Variants in FBN1 observed in about 807,000 individuals in gnomAD.
FBN1 encodes fibrillin-1.
In FBN1, 29 loss-of-function variants were observed where a neutral mutation model predicts 365.1. That is an observed-to-expected ratio of 0.08 (90% confidence interval 0.06 to 0.11). The LOEUF is 0.11. FBN1 is among the 10% of genes least tolerant of loss of function. The pLI is 1.00. For missense variants in FBN1, 2,476 were observed against 3,703.2 expected, an observed-to-expected ratio of 0.67 and a Z score of 8.60; for synonymous variants, 1,210 against 1,270.5, an observed-to-expected ratio of 0.95 and a Z score of 1.01.
Position 48,644,717 on chromosome 15 carries a change from G to A in FBN1, c.53C>T (p.Ala18Val), listed in dbSNP as rs770295085. 2 of 1,613,878 alleles carry A rather than the reference G, an allele frequency of 1.2e-6. No homozygotes were observed. The highest frequency in any genetic ancestry group is 1.7e-6 in the Non-Finnish European group (2 of 1,180,028). The change falls in exon 2 of 66, where the codon GCG (alanine) becomes GTG (valine). Residue 18 changes from alanine (A) to valine (V), a missense_variant. Transcript: ENST00000316623. ...GTCCGCCCCATGGCTCGTGTAGGAC[G>A]CTAAAAGCACGGTAAATCCCAGGGC... is the stretch of plus-strand genomic sequence containing the variant. ...EIALGFTVLL[A>V]SYTSHGADAN...
chr15:48,516,368 A>G lies in FBN1; in HGVS notation c.1148-6T>C, dbSNP rs1293665253. 2 of 1,613,194 alleles carry G rather than the reference A, an allele frequency of 1.2e-6. No individual in the cohort carries two copies. The highest frequency in any genetic ancestry group is 4.5e-5 in the East Asian group (2 of 44,872). On this transcript the variant is annotated splice_region_variant and splice_polypyrimidine_tract_variant and intron_variant, in intron 10 of 65. Transcript: ENST00000316623. ...GCACAGCTTGTTGAAATCCTCTAGAAAAACACAACAAAACAAAACACAACA... is the reference window on the plus strand; with the variant it reads ...GCACAGCTTGTTGAAATCCTCTAGAGAAACACAACAAAACAAAACACAACA...
At chr15:48,468,790 C>T (rs1219437423) in intron 36 of FBN1, among the ~76,000 whole-genome samples, 2 of 149,644 alleles carry the variant, frequency 1.3e-5, no homozygotes, top group Admixed American at 6.6e-5. Flanking sequence ...AACTTTGGGC[C>T]GGGCACGGTG....
chr15:48,458,426 G>A (rs551377423), intron 43 of FBN1, among the ~76,000 whole-genome samples: 4 of 152,232 alleles, frequency 2.6e-5, no homozygotes, highest in African/African-American at 4.8e-5. Flanking sequence ...TTGAATACAC[G>A]CAATTATGTC....
At chr15:48,448,362 C>T (rs370569041) in intron 46 of FBN1, among the ~76,000 whole-genome samples, 6 of 152,034 alleles carry the variant, frequency 3.9e-5, no homozygotes, top group African/African-American at 1.4e-4. Context: ...CTTTTCTTTG[C>T]CTTTGTAGGA....
chr15:48,499,704 T>C, intron 17 of FBN1, among the ~76,000 whole-genome samples: 1 of 147,056 alleles, frequency 6.8e-6, no homozygotes, highest in South Asian at 2.1e-4. Context: ...TTCTATTTCT[T>C]AAAATTAATA....
chr15:48,559,325 C>T (rs1597604814), intron 6 of FBN1, among the ~76,000 whole-genome samples: 1 of 152,130 alleles, frequency 6.6e-6, no homozygotes, highest in Non-Finnish European at 1.5e-5. Context: ...GAGCTTGATC[C>T]AATCCTCAAG....
chr15:48,514,098 C>G (rs1056408140), intron 12 of FBN1, among the ~76,000 whole-genome samples: 1 of 152,092 alleles, frequency 6.6e-6, no homozygotes, highest in Non-Finnish European at 1.5e-5. Flanking sequence ...AATGTTAGAA[C>G]AAAACATGAA....
At chr15:48,583,756 G>C (rs1240663939) in intron 6 of FBN1, among the ~76,000 whole-genome samples, 1 of 152,046 alleles carries the variant, frequency 6.6e-6, no homozygotes, top group Non-Finnish European at 1.5e-5. Flanking sequence ...TACATTTTAT[G>C]GAAATAGTTT....
In FBN1 at chr15:48,621,181, G is replaced by C. The variant is rs564279588; in HGVS notation, c.165-8089C>G. Reference sequence around the variant, plus strand: ...CTTCCGACTTTCAAATAATTTTGTAGATGCTCTGCCTTCAAAAAGATGAAG... The same window carrying C: ...CTTCCGACTTTCAAATAATTTTGTACATGCTCTGCCTTCAAAAAGATGAAG... On this transcript the variant is annotated intron_variant, in intron 2 of 65. Coordinates refer to ENST00000316623, the MANE Select transcript of FBN1 (RefSeq NM_000138.5). 1.5e-4 allele frequency among the ~76,000 whole-genome samples: 23 copies of C among 152,328 alleles called. No homozygotes were observed. The South Asian group carries it at 4.6e-3, about 30-fold the overall frequency.
In FBN1 at chr15:48,452,420, TAG is replaced by T; in HGVS notation, c.5545+140_5545+141del. The T allele has an allele frequency of 1.8e-5, 17 of 960,302 alleles. No homozygotes were observed. The Admixed American group carries it at 2.2e-4, about 12-fold the overall frequency. 59.5% of individuals were successfully genotyped at this position (960,302 alleles called of 1,614,324 possible). ...TTTGACAATATCCCTTTTTCCAATTTAGTTTAATATTAGAGTTCATCAATCTA... is the reference window on the plus strand; with the variant it reads ...TTTGACAATATCCCTTTTTCCAATTTTTTAATATTAGAGTTCATCAATCTA... On this transcript the variant is annotated intron_variant, in intron 45 of 65. Transcript: ENST00000316623.
At chr15:48,565,855 G>A (rs757512335) in intron 6 of FBN1, among the ~76,000 whole-genome samples, 1 of 152,118 alleles carries the variant, frequency 6.6e-6, no homozygotes, top group African/African-American at 2.4e-5. Context: ...GCAAGAGTCT[G>A]TTCTTAAATT....
chr15:48,618,379 C>G (rs1295220811), intron 2 of FBN1, among the ~76,000 whole-genome samples: 1 of 152,204 alleles, frequency 6.6e-6, no homozygotes, highest in Non-Finnish European at 1.5e-5. Flanking sequence ...TGAGTACTGT[C>G]TGATGAAGGG....
At chr15:48,485,320 T>C (rs1044845274) in intron 30 of FBN1, 54 bp downstream of exon 30, 8 of 1,613,476 alleles carry the variant, frequency 5.0e-6, no homozygotes, top group Middle Eastern at 1.6e-4. Flanking sequence ...GGCCCTAAAC[T>C]ACTTTACTTA....
At chr15:48,635,368 T>A (rs1890073453) in intron 2 of FBN1, among the ~76,000 whole-genome samples, 1 of 152,202 alleles carries the variant, frequency 6.6e-6, no homozygotes, top group African/African-American at 2.4e-5. Flanking sequence ...TGATATAGTA[T>A]AAGACACCCA....
chr15:48,487,504 C>T (rs555851454), intron 27 of FBN1, 67 bp from the exon 28 acceptor site: 2 of 1,601,122 alleles, frequency 1.2e-6, no homozygotes, highest in Admixed American at 3.3e-5. Context: ...AAGCACTCCT[C>T]CCCCACCCAT....
chr15:48,618,504 C>T (rs530894876), intron 2 of FBN1, among the ~76,000 whole-genome samples: 1 of 152,264 alleles, frequency 6.6e-6, no homozygotes, highest in South Asian at 2.1e-4. Flanking sequence ...ATGTGAATAC[C>T]TCATGTGACT....
At position 48,467,517 on chromosome 15, in the gene FBN1, C is replaced by T. The variant is rs112549850; in HGVS notation, c.4747+421G>A. On this transcript the variant is annotated intron_variant, in intron 38 of 65. Coordinates refer to ENST00000316623, the MANE Select transcript of FBN1 (RefSeq NM_000138.5). ...AGCCTTCTTTCAAGCCACCCCATAACAATGGAATAATCTTCCATTTTATAG... is the reference window on the plus strand; with the variant it reads ...AGCCTTCTTTCAAGCCACCCCATAATAATGGAATAATCTTCCATTTTATAG... 2.3e-3 allele frequency among the ~76,000 whole-genome samples: 345 copies of T among 152,310 alleles called. 3 individuals are homozygous for T. The highest frequency in any genetic ancestry group is 8.0e-3 in the African/African-American group (331 of 41,578).
chr15:48,515,324 C>G (rs2043791103), intron 12 of FBN1, 63 bp downstream of exon 12: 1 of 1,592,302 alleles, frequency 6.3e-7, no homozygotes, highest in African/African-American at 1.3e-5. Context: ...AATAGAAAAC[C>G]AGTAGAGTCA....
intron 6 of FBN1, among the ~76,000 whole-genome samples, chr15:48,577,920 TG>T (rs1420272218): frequency 2.0e-5 from 3 of 152,192 alleles, no homozygotes; most frequent in Non-Finnish European, 4.4e-5. Flanking sequence ...AGTCTTCAGC[TG>T]GCACCACATG....
Sources: gnomAD v4.1 joint callset for allele counts (sites outside exome capture counted in the v4.1 genomes callset) on GRCh38, gnomAD v4.1.1 for gene constraint, MANE v1.5 for transcripts, NCBI Gene and HGNC (gene_info 2026-07-23, HGNC 2026-07-21) for gene names.